RADIL: variants seen among roughly 807,000 people sequenced by gnomAD.
RADIL encodes the protein Rap associating with DIL domain, also known as ras-associating and dilute domain-containing protein.
RADIL carries 99 observed loss-of-function variants against 97.6 expected under a neutral mutation model. The ratio of observed to expected loss-of-function variants is 1.01; its 90% CI spans 0.86 to 1.20. The LOEUF (loss-of-function observed/expected upper bound fraction) is 1.20. Among genes scored for constraint, RADIL ranks in the 50% most tolerant of loss-of-function variants. RADIL has a pLI of 0.00. For missense variants in RADIL, 1,765 were observed against 1,498.9 expected (o/e 1.18, Z -2.93); for synonymous variants, 803 against 691.8 (o/e 1.16, Z -2.52).
At chr7:4,826,191 G>T (rs375445753) in intron 5 of RADIL, among the ~76,000 whole-genome samples, 3 of 152,156 alleles carry the variant, frequency 2.0e-5, no homozygotes, top group Admixed American at 6.5e-5. Flanking sequence ...CTGGGCAACA[G>T]AGTGAGACCC....
At chr7:4,829,783 A>G (rs756846711) in intron 5 of RADIL, among the ~76,000 whole-genome samples, 1 of 152,154 alleles carries the variant, frequency 6.6e-6, no homozygotes. Context: ...GCCACCATGT[A>G]AGATGTGCCC....
Position 4,835,423 on chromosome 7 carries a change from G to C in RADIL, c.784-184C>G, listed in dbSNP as rs538112991. Among the ~76,000 whole-genome samples the C allele has an allele frequency of 2.0e-5, 3 of 152,096 alleles. No homozygotes were observed. In the East Asian group the frequency reaches 5.8e-4, roughly 29 times the overall value. On this transcript the variant is annotated intron_variant, in intron 3 of 14. Transcript: ENST00000399583. This position sits in a 1 kb window ranked among gnomAD's most constrained non-coding sequence, Gnocchi z 5.8. ...CTCAGGAACCCGCCCCTCGATGTCCGGGCCCATCCCAGAGGAGGTCGGTTT... is the reference window on the plus strand; with the variant it reads ...CTCAGGAACCCGCCCCTCGATGTCCCGGCCCATCCCAGAGGAGGTCGGTTT...
At chr7:4,810,148 C>T (rs1357046918) in intron 9 of RADIL, among the ~76,000 whole-genome samples, 6 of 151,232 alleles carry the variant, frequency 4.0e-5, no homozygotes, top group Non-Finnish European at 7.4e-5. Flanking sequence ...CCACCATGCC[C>T]GGCCTTATTT....
rs528143281 is a variant in RADIL, at chr7:4,860,992, G to T, written c.535+16613C>A. ...ATTCCCATTCTGAAAATACCAAGAA[G>T]AATTTCCGTACAAGAGTTGACGCTA... On this transcript the variant is annotated intron_variant, in intron 2 of 14. Transcript: ENST00000399583. The T allele has an allele frequency of 3.2e-5, 52 of 1,614,066 alleles. No individual in the cohort carries two copies. Among genetic ancestry groups the T allele is most frequent in the Non-Finnish European group, 4.0e-5 (47 of 1,180,032 alleles).
At chr7:4,869,502 G>C (rs1227125060) in intron 2 of RADIL, among the ~76,000 whole-genome samples, 1 of 150,438 alleles carries the variant, frequency 6.6e-6, no homozygotes, top group African/African-American at 2.4e-5. Context: ...TTGACACGTA[G>C]GTCTCTGATG....
chr7:4,817,148 G>T lies in RADIL; in HGVS notation c.1728+91C>A. Reference sequence around the variant, plus strand: ...CACGGTCCCCTCCCTCAGCCCCCCAGAAGGCTCCTTAGGAGAGCCACAGGC... The same window carrying T: ...CACGGTCCCCTCCCTCAGCCCCCCATAAGGCTCCTTAGGAGAGCCACAGGC... On this transcript the variant is annotated intron_variant, in intron 7 of 14. Coordinates refer to ENST00000399583, the MANE Select transcript of RADIL (RefSeq NM_018059.5). The surrounding 1 kb of genome is among the most constrained non-coding windows in gnomAD (Gnocchi z 8.3). 8.8e-7 allele frequency: 1 copy of T among 1,140,068 alleles called. No individual in the cohort carries two copies. Among genetic ancestry groups the T allele is most frequent in the Non-Finnish European group, 1.3e-6 (1 of 787,762 alleles). 70.6% of individuals were successfully genotyped at this position (1,140,068 alleles called of 1,614,324 possible).
chr7:4,841,211 G>A lies in RADIL; in HGVS notation c.536-4606C>T, dbSNP rs529505181. Among the ~76,000 whole-genome samples, 3 of 152,334 alleles carry A rather than the reference G, an allele frequency of 2.0e-5. No homozygotes were observed. In the East Asian group the frequency reaches 5.8e-4, roughly 29 times the overall value. On this transcript the variant is annotated intron_variant, in intron 2 of 14. Coordinates refer to ENST00000399583, the MANE Select transcript of RADIL (RefSeq NM_018059.5). ...TGAGGGACAAGACAGGCCGAGGTCA[G>A]CTGTGGCCCCAACGCCCTCGTCTTC...
Position 4,854,185 on chromosome 7 carries a change from C to G in RADIL, c.536-17580G>C, listed in dbSNP as rs563689579. Among the ~76,000 whole-genome samples the G allele has an allele frequency of 2.0e-5, 3 of 151,970 alleles. No homozygotes were observed. The highest frequency in any genetic ancestry group is 4.4e-5 in the Non-Finnish European group (3 of 68,000). On this transcript the variant is annotated intron_variant, in intron 2 of 14. Transcript: ENST00000399583. The surrounding 1 kb of genome is among the most constrained non-coding windows in gnomAD (Gnocchi z 5.1). ...AAGGCATGAACTAGAATGATGGGGC[C>G]GAAAGTAGAAAAAGCCTGGTCCCTG...
At position 4,834,928 on chromosome 7, in the gene RADIL, G is replaced by T; in HGVS notation, c.1095C>A (p.Pro365=). 1 of 1,579,586 alleles carries T rather than the reference G, an allele frequency of 6.3e-7. No individual in the cohort carries two copies. Among genetic ancestry groups the T allele is most frequent in the East Asian group, 2.3e-5 (1 of 44,076 alleles). The change falls in exon 4 of 15, where the codon CCC becomes CCA. Residue 365 remains proline, a synonymous_variant. Transcript: ENST00000399583. The surrounding 1 kb of genome is among the most constrained non-coding windows in gnomAD (Gnocchi z 6.0). ...FKDPAQAQPL[P]ARALARLRAV... is the part of the protein sequence containing the mutation. ...CCCGGAGGCGCGCCAAGGCCCGGGC[G>T]GGCAGGGGCTGGGCCTGCGCGGGGT...
At chr7:4,823,412 C>T (rs1782889623) in intron 5 of RADIL, among the ~76,000 whole-genome samples, 1 of 149,430 alleles carries the variant, frequency 6.7e-6, no homozygotes, top group African/African-American at 2.5e-5. Context: ...TTAAGCAATC[C>T]TCTTGCTTTG....
intron 10 of RADIL, 31 bp downstream of exon 10, chr7:4,805,535 C>CA: frequency 1.9e-6 from 3 of 1,549,734 alleles, no homozygotes; most frequent in Non-Finnish European, 2.6e-6. Context: ...ACTGAGTCCC[C>CA]AGCCCTCTCC....
intron 2 of RADIL, among the ~76,000 whole-genome samples, chr7:4,875,095 G>C (rs944402884): frequency 1.4e-5 from 2 of 145,048 alleles, no homozygotes; most frequent in African/African-American, 5.8e-5. Flanking sequence ...GGGAGGCTGA[G>C]GCAGGAGAAT....
rs1432376488 is a variant in RADIL at position 4,849,035 on chromosome 7, G to C, written c.536-12430C>G. On this transcript the variant is annotated intron_variant, in intron 2 of 14. Coordinates refer to ENST00000399583, the MANE Select transcript of RADIL (RefSeq NM_018059.5). The surrounding 1 kb of genome is among the most constrained non-coding windows in gnomAD (Gnocchi z 5.4). ...TGCCTGTAATCCCAGCTACTCGAGAGACTGAAGCAGGAGAATCGTTTGAAC... is the reference window on the plus strand; with the variant it reads ...TGCCTGTAATCCCAGCTACTCGAGACACTGAAGCAGGAGAATCGTTTGAAC... Among the ~76,000 whole-genome samples the C allele has an allele frequency of 6.6e-6, 1 of 151,900 alleles. No individual in the cohort carries two copies. The highest frequency in any genetic ancestry group is 1.9e-4 in the East Asian group (1 of 5,178).
At position 4,814,057 on chromosome 7, in the gene RADIL, G is replaced by A. The variant is rs1024753605; in HGVS notation, c.2139+1221C>T. Among the ~76,000 whole-genome samples the A allele has an allele frequency of 6.6e-6, 1 of 152,176 alleles. No individual in the cohort carries two copies. The highest frequency in any genetic ancestry group is 2.4e-5 in the African/African-American group (1 of 41,464). On this transcript the variant is annotated intron_variant, in intron 9 of 14. Coordinates refer to ENST00000399583, the MANE Select transcript of RADIL (RefSeq NM_018059.5). This position sits in a 1 kb window ranked among gnomAD's most constrained non-coding sequence, Gnocchi z 4.5. ...AGCCTCTCAAAGCACTGGGAGGACA[G>A]GCATGAGCCACCGTGCCTGGCCGAG...
intron 9 of RADIL, among the ~76,000 whole-genome samples, chr7:4,807,527 CCTCCCTCCTCT>C (rs1179195338): frequency 3.8e-5 from 5 of 131,900 alleles, no homozygotes; most frequent in East Asian, 4.7e-4. Flanking sequence ...CTCCGTCTCC[CCTCCCTCCTCT>C]CTCCCTCTGT....
At chr7:4,804,937 T>C (rs1782245161) in intron 10 of RADIL, among the ~76,000 whole-genome samples, 1 of 151,198 alleles carries the variant, frequency 6.6e-6, no homozygotes, top group Non-Finnish European at 1.5e-5. Flanking sequence ...CTACTAAAGA[T>C]TCAAAAATTA....
rs1009457865 is a variant in RADIL at position 4,873,483 on chromosome 7, A to G, written c.535+4122T>C. Among the ~76,000 whole-genome samples the G allele has an allele frequency of 2.6e-5, 4 of 152,206 alleles. No individual in the cohort carries two copies. Among genetic ancestry groups the G allele is most frequent in the African/African-American group, 4.8e-5 (2 of 41,454 alleles). On this transcript the variant is annotated intron_variant, in intron 2 of 14. Transcript: ENST00000399583. The surrounding 1 kb of genome is among the most constrained non-coding windows in gnomAD (Gnocchi z 4.3). Reference sequence around the variant, plus strand: ...TCGAACTGTTATCTCACCAGGGATCAGGGACAGCCCCACGCTGGGTCCTCT... The same window carrying G: ...TCGAACTGTTATCTCACCAGGGATCGGGGACAGCCCCACGCTGGGTCCTCT...
chr7:4,801,903 G>A lies in RADIL; in HGVS notation c.2592C>T (p.Ala864=), dbSNP rs1378069065. ...CCCTCAAGGGAAGAGTACGCTCCGG[G>A]GCCACTTCCCGGGCTGCTGGGCCAG... The part of the protein sequence containing the change: ...RDPGPAAREV[A]PERTLPLRGA... The change falls in exon 12 of 15, where the codon GCC becomes GCT. Residue 864 remains alanine, a synonymous_variant. Transcript: ENST00000399583. 6 of 1,574,640 alleles carry A rather than the reference G, an allele frequency of 3.8e-6. No homozygotes were observed. Among genetic ancestry groups the A allele is most frequent in the Non-Finnish European group, 5.2e-6 (6 of 1,161,474 alleles).
intron 2 of RADIL, among the ~76,000 whole-genome samples, chr7:4,853,107 T>G (rs1332017330): frequency 1.3e-5 from 2 of 152,124 alleles, no homozygotes; most frequent in Non-Finnish European, 2.9e-5. Context: ...TGAGTGTATT[T>G]TGCATGTGGG....
Sources: allele counts gnomAD v4.1 joint callset (sites outside exome capture counted in the v4.1 genomes callset), GRCh38; gene constraint gnomAD v4.1.1; non-coding constraint Gnocchi (gnomAD v3.1); transcripts MANE v1.5; gene names NCBI Gene and HGNC (gene_info 2026-07-23, HGNC 2026-07-21).